Variants in DERL1 observed in about 807,000 individuals in gnomAD.
DERL1 encodes the protein derlin-1.
A neutral mutation model predicts 41.6 loss-of-function variants in DERL1; 24 were observed. That is an observed-to-expected ratio of 0.58 (90% confidence interval 0.42 to 0.81). The LOEUF is 0.81. Among genes scored for constraint, DERL1 ranks in the 30% least tolerant of loss-of-function variants. The pLI, the probability that DERL1 is intolerant of heterozygous loss-of-function variation, is 0.00. For synonymous variants in DERL1, 124 were observed against 112.5 expected (o/e 1.10, Z -0.65); for missense variants, 260 against 314.3 (o/e 0.83, Z 1.31).
At chr8:123,034,644 T>C (rs1051118302) in intron 1 of DERL1, among the ~76,000 whole-genome samples, 1 of 152,234 alleles carries the variant, frequency 6.6e-6, no homozygotes, top group Non-Finnish European at 1.5e-5. Context: ...CCCCTATTTT[T>C]ACAATCCCTC....
Position 123,014,178 on chromosome 8 carries a change from G to A in DERL1, c.*1269C>T, listed in dbSNP as rs890725626. 6.6e-6 allele frequency: 1 copy of A among 152,508 alleles called. No homozygotes were observed. The highest frequency in any genetic ancestry group is 1.5e-5 in the Non-Finnish European group (1 of 68,028). The allele number at this position is 152,508 out of a possible 1,614,324, so 9.4% of individuals were successfully genotyped here. A position where few individuals can be genotyped will look rare whatever the true frequency, so the allele number is the denominator to read the frequency against. On this transcript the variant is annotated 3_prime_UTR_variant, in exon 8 of 8. Transcript: ENST00000259512. ...TTCAAAAAACTTTATTTGGTTATGA[G>A]CCAAGCTCTGATAGGAAAAGCCCAC...
intron 1 of DERL1, 151 bp downstream of exon 1, chr8:123,041,819 G>C: frequency 1.8e-6 from 2 of 1,117,784 alleles, no homozygotes; most frequent in South Asian, 1.7e-5. Flanking sequence ...GAGCCTCCCC[G>C]GGCCCAAAGG....
At chr8:123,022,414 CCTT>C (rs5894651) in intron 5 of DERL1, among the ~76,000 whole-genome samples, 65,478 of 151,812 alleles carry the variant, frequency 0.43, 16,826 homozygotes, top group South Asian at 0.57. Context: ...AGTTATCTCT[CCTT>C]CTCTCTAACA....
chr8:123,040,666 T>C (rs190503763), intron 1 of DERL1, among the ~76,000 whole-genome samples: 22 of 152,334 alleles, frequency 1.4e-4, no homozygotes, highest in East Asian at 3.9e-4. Context: ...AGGAACCAGA[T>C]TGCAGTGATA....
At chr8:123,019,145 T>TA (rs765861542) in intron 7 of DERL1, 50 bp downstream of exon 7, 26 of 1,297,892 alleles carry the variant, frequency 2.0e-5, no homozygotes, top group Admixed American at 1.0e-4. Context: ...TAGGATGCAC[T>TA]AAGAACACAG....
At position 123,030,077 on chromosome 8, in the gene DERL1, A is replaced by G. The variant is rs144495221; in HGVS notation, c.265+528T>C. Among the ~76,000 whole-genome samples, 794 of 152,120 alleles carry G rather than the reference A, an allele frequency of 5.2e-3. 4 individuals are homozygous for G. Among genetic ancestry groups the G allele is most frequent in the African/African-American group, 0.018 (759 of 41,536 alleles). ...TGTCTCAAAAAATAAATAAATAAAT[A>G]AAATAAAATATTACATTGGTACTCA... On this transcript the variant is annotated intron_variant, in intron 2 of 7. Transcript: ENST00000259512.
At chr8:123,033,458 C>A (rs1483630324) in intron 1 of DERL1, among the ~76,000 whole-genome samples, 1 of 152,082 alleles carries the variant, frequency 6.6e-6, no homozygotes, top group South Asian at 2.1e-4. Context: ...GAAAATTGAG[C>A]TTCGGCCGGG....
Position 123,015,263 on chromosome 8 carries a change from A to T in DERL1, c.*184T>A. ...CTTCACAGCAGTAAGGACTTGAATG[A>T]GAATCGTGAAACTTGTGGAACACTT... On this transcript the variant is annotated 3_prime_UTR_variant, in exon 8 of 8. Transcript: ENST00000259512. 1 of 819,634 alleles carries T rather than the reference A, an allele frequency of 1.2e-6. No homozygotes were observed. Among genetic ancestry groups the T allele is most frequent in the Non-Finnish European group, 1.8e-6 (1 of 556,446 alleles). The allele number at this position is 819,634 out of a possible 1,614,324, so 50.8% of individuals were successfully genotyped here.
intron 2 of DERL1, among the ~76,000 whole-genome samples, chr8:123,026,714 A>G (rs1812700721): frequency 6.6e-6 from 1 of 150,518 alleles, no homozygotes; most frequent in African/African-American, 2.4e-5. Context: ...GTTAAATAGA[A>G]TGATCTCAAA....
At chr8:123,032,369 A>T (rs1228899870) in intron 1 of DERL1, among the ~76,000 whole-genome samples, 1 of 152,186 alleles carries the variant, frequency 6.6e-6, no homozygotes, top group African/African-American at 2.4e-5. Flanking sequence ...TCCTGAGCTC[A>T]AGCAATCCAC....
intron 1 of DERL1, among the ~76,000 whole-genome samples, chr8:123,036,818 G>A (rs1226883261): frequency 6.6e-6 from 1 of 152,142 alleles, no homozygotes. Context: ...ATGTTGAAAC[G>A]TCTCTCTTCC....
intron 3 of DERL1, among the ~76,000 whole-genome samples, chr8:123,024,012 G>A (rs1156843594): frequency 1.3e-5 from 2 of 152,092 alleles, no homozygotes; most frequent in African/African-American, 2.4e-5. Flanking sequence ...GTGTTCTGAA[G>A]GAAAATACTT....
Position 123,014,565 on chromosome 8 carries a change from T to C in DERL1, c.*882A>G, listed in dbSNP as rs1814504071. The C allele has an allele frequency of 6.6e-6, 1 of 152,576 alleles. No individual in the cohort carries two copies. Among genetic ancestry groups the C allele is most frequent in the African/African-American group, 2.4e-5 (1 of 41,432 alleles). The allele number at this position is 152,576 out of a possible 1,614,324, so 9.5% of individuals were successfully genotyped here. ...AGAGAGCATCTCCCTGTAGCCAACATGATCTGGATCCTCCTAACACAAAGC... is the reference window on the plus strand; with the variant it reads ...AGAGAGCATCTCCCTGTAGCCAACACGATCTGGATCCTCCTAACACAAAGC... On this transcript the variant is annotated 3_prime_UTR_variant, in exon 8 of 8. Coordinates refer to ENST00000259512, the MANE Select transcript of DERL1 (RefSeq NM_024295.6).
At position 123,025,040 on chromosome 8, in the gene DERL1, A is replaced by G. The variant is rs763932769; in HGVS notation, c.276T>C (p.Asp92=). 20 of 1,613,662 alleles carry G rather than the reference A, an allele frequency of 1.2e-5. No individual in the cohort carries two copies. The Admixed American group carries it at 2.8e-4, about 23-fold the overall frequency. The change falls in exon 3 of 8, where the codon GAT becomes GAC. Residue 92 remains aspartate (D), a synonymous_variant. Coordinates refer to ENST00000259512, the MANE Select transcript of DERL1 (RefSeq NM_024295.6). ...YSTRLETGAF[D]GRPADYLFML... Reference sequence around the variant, plus strand: ...TGAATAAATAGTCTGCTGGCCTCCCATCAAAAGCTCCTGGAAACAAAAACA... The same window carrying G: ...TGAATAAATAGTCTGCTGGCCTCCCGTCAAAAGCTCCTGGAAACAAAAACA...
chr8:123,041,932 G>T lies in DERL1; in HGVS notation c.153+38C>A. On this transcript the variant is annotated intron_variant, in intron 1 of 7. Transcript: ENST00000259512. The stretch of plus-strand genomic sequence containing the variant: ...GCTTAGCCGCCGCTGGGCCTCCTGG[G>T]GCCTGTAGTCTCCACGCCCCCCGTC... The T allele has an allele frequency of 1.9e-6, 3 of 1,569,010 alleles. No homozygotes were observed. In the South Asian group the frequency reaches 3.5e-5, roughly 18 times the overall value.
At chr8:123,037,345 C>T (rs906169284) in intron 1 of DERL1, among the ~76,000 whole-genome samples, 10 of 152,162 alleles carry the variant, frequency 6.6e-5, no homozygotes, top group African/African-American at 2.4e-4. Flanking sequence ...TCAATACACT[C>T]GTTGAATGTA....
intron 2 of DERL1, among the ~76,000 whole-genome samples, chr8:123,027,419 A>C (rs1812725257): frequency 6.6e-6 from 1 of 152,100 alleles, no homozygotes; most frequent in Non-Finnish European, 1.5e-5. Flanking sequence ...GAAATATTAT[A>C]AAAATGGGTG....
chr8:123,030,399 C>T (rs1812796929), intron 2 of DERL1: 1 of 431,984 alleles, frequency 2.3e-6, no homozygotes, highest in South Asian at 3.3e-5. Flanking sequence ...AATGGTAACA[C>T]TGCTACTTAT....
Position 123,030,589 on chromosome 8 carries a change from A to G in DERL1, c.265+16T>C, listed in dbSNP as rs1243530072. On this transcript the variant is annotated intron_variant, in intron 2 of 7. Coordinates refer to ENST00000259512, the MANE Select transcript of DERL1 (RefSeq NM_024295.6). ...TGAGAAAGAAACAATGCTTAAAACA[A>G]CTATGGGTAACATACCTGTTTCAAG... The G allele has an allele frequency of 6.6e-7, 1 of 1,513,686 alleles. No individual in the cohort carries two copies. The highest frequency in any genetic ancestry group is 1.9e-5 in the Admixed American group (1 of 52,738). 93.8% of individuals were successfully genotyped at this position (1,513,686 alleles called of 1,614,324 possible). A position where few individuals can be genotyped will look rare whatever the true frequency, so the allele number is the denominator to read the frequency against.
Sources: gnomAD v4.1 joint callset for allele counts (sites outside exome capture counted in the v4.1 genomes callset) on GRCh38, gnomAD v4.1.1 for gene constraint, MANE v1.5 for transcripts, NCBI Gene and HGNC (gene_info 2026-07-23, HGNC 2026-07-21) for gene names.